Variants in CCDC102B observed in about 807,000 individuals in gnomAD.
CCDC102B encodes the protein coiled-coil domain containing 102B.
A neutral mutation model predicts 57.4 loss-of-function variants in CCDC102B; 75 were observed. The observed-to-expected ratio is 1.31, with a 90% CI of 1.08 to 1.58. The LOEUF (loss-of-function observed/expected upper bound fraction) is 1.58. Among genes scored for constraint, CCDC102B ranks in the 40% most tolerant of loss-of-function variants. The pLI is 0.00. For synonymous variants in CCDC102B, 206 were observed against 201.9 expected (o/e 1.02, Z -0.17); for missense variants, 636 against 582.6 (o/e 1.09, Z -0.94).
intron 2 of CCDC102B, among the ~76,000 whole-genome samples, chr18:68,765,324 G>GGAAGGAAAGAAAGAAA (rs1491399373): frequency 5.1e-4 from 31 of 60,382 alleles, no homozygotes; most frequent in South Asian, 1.5e-3. Context: ...AAGGAAGGAA[G>GGAAGGAAAGAAAGAAA]GAAAGAAAGA....
intron 2 of CCDC102B, among the ~76,000 whole-genome samples, chr18:68,790,653 T>G (rs550938652): frequency 6.6e-6 from 1 of 152,318 alleles, no homozygotes; most frequent in Non-Finnish European, 1.5e-5. Flanking sequence ...CCCCTTGCGC[T>G]TCCCAAGTGA....
chr18:68,763,250 GT>G (rs2034313373), intron 2 of CCDC102B, among the ~76,000 whole-genome samples: 1 of 151,904 alleles, frequency 6.6e-6, no homozygotes, highest in African/African-American at 2.4e-5. Flanking sequence ...TGTATTGACA[GT>G]TGCCATGGCA....
chr18:68,914,827 A>G (rs1040059301), intron 6 of CCDC102B, among the ~76,000 whole-genome samples: 1 of 152,208 alleles, frequency 6.6e-6, no homozygotes, highest in Non-Finnish European at 1.5e-5. Flanking sequence ...GTAACAAGCC[A>G]TAGGAACTCA....
intron 2 of CCDC102B, among the ~76,000 whole-genome samples, chr18:68,724,869 A>T (rs1458397949): frequency 6.6e-6 from 1 of 151,984 alleles, no homozygotes; most frequent in African/African-American, 2.4e-5. Context: ...TTATAGCAGC[A>T]CTCCACTCTA....
intron 7 of CCDC102B, among the ~76,000 whole-genome samples, chr18:69,017,772 C>T (rs1484945972): frequency 2.0e-5 from 3 of 152,112 alleles, no homozygotes; most frequent in African/African-American, 7.2e-5. Context: ...ATAAATGAAA[C>T]TTTGACCAAC....
At chr18:68,938,057 G>T (rs1458595906) in intron 6 of CCDC102B, among the ~76,000 whole-genome samples, 1 of 151,976 alleles carries the variant, frequency 6.6e-6, no homozygotes, top group African/African-American at 2.4e-5. Flanking sequence ...GAATAGTGCT[G>T]CAATAAACAT....
intron 7 of CCDC102B, among the ~76,000 whole-genome samples, chr18:69,052,520 G>A (rs1015714230): frequency 2.0e-5 from 3 of 151,746 alleles, no homozygotes; most frequent in East Asian, 1.9e-4. Context: ...CATACATAGT[G>A]TGTGTGTGCA....
At chr18:69,024,296 T>A (rs2051925493) in intron 7 of CCDC102B, among the ~76,000 whole-genome samples, 1 of 152,054 alleles carries the variant, frequency 6.6e-6, no homozygotes, top group Admixed American at 6.6e-5. Flanking sequence ...GAAAGTGCAA[T>A]CATTTTTGGA....
At chr18:68,869,355 C>G (rs1337321200) in intron 4 of CCDC102B, among the ~76,000 whole-genome samples, 1 of 152,110 alleles carries the variant, frequency 6.6e-6, no homozygotes, top group African/African-American at 2.4e-5. Flanking sequence ...TTTGCATAAG[C>G]CCAAGGAAGA....
Position 68,897,508 on chromosome 18 carries a change from C to T in CCDC102B, c.1263+80C>T, listed in dbSNP as rs137943648. ...CGCAGAGTCTGTCTTCACTCGTACA[C>T]GCCTCCACATTTGGATATTTCCTTT... On this transcript the variant is annotated intron_variant, in intron 6 of 7. Transcript: ENST00000360242. 5.9e-4 allele frequency: 905 copies of T among 1,543,618 alleles called. 3 individuals are homozygous for T. The African/African-American group carries it at 7.7e-3, about 13-fold the overall frequency.
chr18:69,036,862 A>C (rs746117162), intron 7 of CCDC102B, among the ~76,000 whole-genome samples: 27 of 152,094 alleles, frequency 1.8e-4, no homozygotes, highest in Non-Finnish European at 3.7e-4. Context: ...TCATTCAGAT[A>C]TCTGTTAAAG....
chr18:68,848,618 G>A (rs1044635903), intron 4 of CCDC102B, among the ~76,000 whole-genome samples: 1 of 152,016 alleles, frequency 6.6e-6, no homozygotes, highest in African/African-American at 2.4e-5. Context: ...ATGCATAGTA[G>A]AGGTAATTAT....
At chr18:68,855,424 G>A (rs1457180424) in intron 4 of CCDC102B, among the ~76,000 whole-genome samples, 1 of 152,120 alleles carries the variant, frequency 6.6e-6, no homozygotes, top group African/African-American at 2.4e-5. Flanking sequence ...TAATCCTTCT[G>A]AATAAAACAA....
At chr18:68,716,041 C>G (rs565867449) in intron 1 of CCDC102B, among the ~76,000 whole-genome samples, 58 of 152,226 alleles carry the variant, frequency 3.8e-4, no homozygotes, top group South Asian at 3.1e-3. Context: ...AATGTCACCC[C>G]CTTTGTGCAT....
chr18:68,959,938 A>C (rs978247894), intron 6 of CCDC102B, among the ~76,000 whole-genome samples: 2 of 151,992 alleles, frequency 1.3e-5, no homozygotes, highest in African/African-American at 4.8e-5. Flanking sequence ...TCCAGGAGCC[A>C]AGGCCTGGAC....
At chr18:68,974,583 T>G (rs2050385369) in intron 6 of CCDC102B, among the ~76,000 whole-genome samples, 1 of 152,028 alleles carries the variant, frequency 6.6e-6, no homozygotes, top group Admixed American at 6.6e-5. Context: ...TCCTTAATCA[T>G]ATAATGACTG....
chr18:68,831,549 A>C (rs1311130411), intron 1 of CCDC102B, among the ~76,000 whole-genome samples: 5 of 152,164 alleles, frequency 3.3e-5, no homozygotes, highest in African/African-American at 1.2e-4. Context: ...AATTATTGGC[A>C]AGTTGTTCAG....
At position 68,897,444 on chromosome 18, in the gene CCDC102B, G is replaced by C. The variant is rs756020554; in HGVS notation, c.1263+16G>C. ...AAAAAACCAGGTATGGGTGCTCCTT[G>C]GAGCAAATTCTCACTGTCTAATCTC... is the stretch of plus-strand genomic sequence containing the variant. On this transcript the variant is annotated intron_variant, in intron 6 of 7. Transcript: ENST00000360242. 6.2e-7 allele frequency: 1 copy of C among 1,608,570 alleles called. No individual in the cohort carries two copies. Among genetic ancestry groups the C allele is most frequent in the Non-Finnish European group, 8.5e-7 (1 of 1,176,964 alleles).
At chr18:68,876,667 T>C (rs1191124124) in intron 5 of CCDC102B, among the ~76,000 whole-genome samples, 1 of 152,146 alleles carries the variant, frequency 6.6e-6, no homozygotes, top group Non-Finnish European at 1.5e-5. Context: ...GGTTACATGA[T>C]TTTGGAGCAG....
Sources: gnomAD v4.1 joint callset for allele counts (sites outside exome capture counted in the v4.1 genomes callset) on GRCh38, gnomAD v4.1.1 for gene constraint, MANE v1.5 for transcripts, NCBI Gene and HGNC (gene_info 2026-07-23, HGNC 2026-07-21) for gene names.